CACNA2D1: variants seen among roughly 807,000 people sequenced by gnomAD.
CACNA2D1 encodes the protein calcium voltage-gated channel auxiliary subunit alpha2delta 1.
CACNA2D1 carries 53 observed loss-of-function variants against 171.5 expected under a neutral mutation model. The observed-to-expected ratio is 0.31, with a 90% CI of 0.25 to 0.39. The LOEUF (loss-of-function observed/expected upper bound fraction) is 0.39, where lower values mean the gene tolerates loss of function less well. Among genes scored for constraint, CACNA2D1 ranks in the 10% least tolerant of loss-of-function variants. CACNA2D1 has a pLI of 1.00. For missense variants in CACNA2D1, 903 were observed against 1,299.8 expected (o/e 0.69, Z 4.69); for synonymous variants, 442 against 443.1 (o/e 1.00, Z 0.03).
intron 10 of CACNA2D1, among the ~76,000 whole-genome samples, chr7:82,045,434 A>G (rs184555671): frequency 1.3e-5 from 2 of 152,220 alleles, no homozygotes; most frequent in East Asian, 3.9e-4. Context: ...TCAACCGTCT[A>G]TCAGTCAGGA....
At chr7:82,007,954 T>C (rs1799303772) in intron 15 of CACNA2D1, among the ~76,000 whole-genome samples, 198 bp from the exon 16 acceptor site, 1 of 152,150 alleles carries the variant, frequency 6.6e-6, no homozygotes, top group Admixed American at 6.6e-5. Context: ...AATTAGGACC[T>C]ACTAGGCACC....
intron 3 of CACNA2D1, among the ~76,000 whole-genome samples, chr7:82,323,623 A>C (rs42048): frequency 0.75 from 113,827 of 152,162 alleles, 43,368 homozygotes; most frequent in African/African-American, 0.91. Flanking sequence ...AAGAGCCTCA[A>C]ATTTACATTT....
intron 1 of CACNA2D1, among the ~76,000 whole-genome samples, chr7:82,400,204 T>C (rs1300129754): frequency 6.6e-6 from 1 of 151,392 alleles, no homozygotes; most frequent in East Asian, 1.9e-4. Flanking sequence ...TGGTTCCATA[T>C]GAACTTTAAA....
chr7:82,099,384 T>G (rs913491846), intron 6 of CACNA2D1, among the ~76,000 whole-genome samples: 7 of 150,762 alleles, frequency 4.6e-5, no homozygotes, highest in African/African-American at 1.7e-4. Flanking sequence ...TTTTTCTATT[T>G]TTAAAATTAC....
intron 7 of CACNA2D1, among the ~76,000 whole-genome samples, chr7:82,069,089 A>G (rs1294834769): frequency 6.6e-6 from 1 of 152,148 alleles, no homozygotes; most frequent in Non-Finnish European, 1.5e-5. Context: ...TTATGGTAAA[A>G]TTGAACAACA....
At chr7:82,115,557 C>T (rs895871440) in intron 6 of CACNA2D1, among the ~76,000 whole-genome samples, 9 of 151,442 alleles carry the variant, frequency 5.9e-5, no homozygotes, top group African/African-American at 1.9e-4. Context: ...ACACATACAA[C>T]GTTTCTATTA....
intron 24 of CACNA2D1, among the ~76,000 whole-genome samples, chr7:81,975,993 TAAA>T (rs35393698): frequency 1.3e-5 from 2 of 148,638 alleles, no homozygotes; most frequent in African/African-American, 2.5e-5. Flanking sequence ...AATGTTACAT[TAAA>T]AAAAAAAAAG....
chr7:82,335,065 T>C (rs767351764), intron 3 of CACNA2D1, 70 bp downstream of exon 3: 67 of 997,782 alleles, frequency 6.7e-5, no homozygotes, highest in Middle Eastern at 4.2e-4. Context: ...AACCCCTCAA[T>C]AGAGCATGAA....
chr7:82,220,265 C>T (rs141303753), intron 3 of CACNA2D1, among the ~76,000 whole-genome samples: 9 of 152,122 alleles, frequency 5.9e-5, no homozygotes, highest in East Asian at 5.8e-4. Flanking sequence ...AATAGATTGA[C>T]GGTAATTATT....
At chr7:82,371,424 A>G (rs981269341) in intron 1 of CACNA2D1, among the ~76,000 whole-genome samples, 1 of 152,202 alleles carries the variant, frequency 6.6e-6, no homozygotes, top group African/African-American at 2.4e-5. Context: ...ATTAAAAAAA[A>G]TCTTATATAG....
At chr7:81,983,965 G>T (rs1796697916) in intron 22 of CACNA2D1, among the ~76,000 whole-genome samples, 1 of 152,044 alleles carries the variant, frequency 6.6e-6, no homozygotes, top group Non-Finnish European at 1.5e-5. Context: ...GGATATGATG[G>T]TCATTTTACT....
At chr7:82,106,103 G>C (rs990200920) in intron 6 of CACNA2D1, among the ~76,000 whole-genome samples, 5 of 151,920 alleles carry the variant, frequency 3.3e-5, no homozygotes, top group African/African-American at 1.2e-4. Context: ...TCTGATCTTC[G>C]AATTTTGAGA....
rs1427295689 is a variant in CACNA2D1, at chr7:82,172,618, T to A, written c.295-2009A>T. ...CAGGTTTGCATCAAGAAACCCGGCTTTTTTTTTTTTTTTTTTTTTTTTGGT... is the reference window on the plus strand; with the variant it reads ...CAGGTTTGCATCAAGAAACCCGGCTATTTTTTTTTTTTTTTTTTTTTTGGT... On this transcript the variant is annotated intron_variant, in intron 3 of 38. Coordinates refer to ENST00000356860, the MANE Select transcript of CACNA2D1 (RefSeq NM_000722.4). Among the ~76,000 whole-genome samples, 5 of 10,392 alleles carry A rather than the reference T, an allele frequency of 4.8e-4. No homozygotes were observed. In the South Asian group the frequency reaches 9.7e-3, roughly 20 times the overall value. 6.8% of individuals were successfully genotyped at this position (10,392 alleles called of 152,430 possible).
At chr7:81,962,081 G>C in intron 35 of CACNA2D1, 58 bp from the exon 36 acceptor site, 1 of 1,542,234 alleles carries the variant, frequency 6.5e-7, no homozygotes, top group Admixed American at 1.7e-5. Context: ...GGTCTCTGTA[G>C]TCACTCCCCT....
intron 1 of CACNA2D1, among the ~76,000 whole-genome samples, chr7:82,393,068 AG>A (rs1180473731): frequency 1.7e-5 from 2 of 120,220 alleles, no homozygotes; most frequent in African/African-American, 3.6e-5. Context: ...GAAGGAAGGA[AG>A]GAAGGAAGGA....
chr7:82,329,909 A>G (rs1817098767), intron 3 of CACNA2D1, among the ~76,000 whole-genome samples: 1 of 152,134 alleles, frequency 6.6e-6, no homozygotes, highest in Non-Finnish European at 1.5e-5. Flanking sequence ...TGCTATCTAC[A>G]CAGTCTTGGA....
chr7:82,078,245 G>A (rs1809251547), intron 7 of CACNA2D1, among the ~76,000 whole-genome samples: 1 of 152,140 alleles, frequency 6.6e-6, no homozygotes, highest in Non-Finnish European at 1.5e-5. Flanking sequence ...CGGAGATGAA[G>A]TAGATTTTTA....
intron 3 of CACNA2D1, among the ~76,000 whole-genome samples, chr7:82,211,451 C>T (rs893629795): frequency 2.0e-5 from 3 of 152,158 alleles, no homozygotes; most frequent in African/African-American, 7.2e-5. Flanking sequence ...TAAATGAGAA[C>T]ATGCAGCATT....
intron 3 of CACNA2D1, among the ~76,000 whole-genome samples, chr7:82,206,379 T>A (rs1417077131): frequency 6.6e-6 from 1 of 152,064 alleles, no homozygotes; most frequent in Non-Finnish European, 1.5e-5. Context: ...ATAATAACCA[T>A]GAAATCAAAC....
Sources: gnomAD v4.1 joint callset for allele counts (sites outside exome capture counted in the v4.1 genomes callset) on GRCh38, gnomAD v4.1.1 for gene constraint, MANE v1.5 for transcripts, NCBI Gene and HGNC (gene_info 2026-07-23, HGNC 2026-07-21) for gene names.